The following STAB2 variants were observed in gnomAD, a reference collection of about 807,000 sequenced individuals.
The protein encoded by STAB2 is stabilin-2.
In STAB2, 288 loss-of-function variants were observed where a neutral mutation model predicts 338.1. That is an observed-to-expected ratio of 0.85 (90% confidence interval 0.77 to 0.94). STAB2 has a LOEUF of 0.94. Among genes scored for constraint, STAB2 ranks in the 40% least tolerant of loss-of-function variants. STAB2 has a pLI of 0.00. For synonymous variants in STAB2, 1,202 were observed against 1,193.3 expected (o/e 1.01, Z -0.15); for missense variants, 3,141 against 3,210.1 (o/e 0.98, Z 0.52).
At position 103,654,585 on chromosome 12, in the gene STAB2, G is replaced by A; in HGVS notation, c.1438G>A (p.Gly480Ser). 6.2e-7 allele frequency: 1 copy of A among 1,614,056 alleles called. No homozygotes were observed. The highest frequency in any genetic ancestry group is 8.5e-7 in the Non-Finnish European group (1 of 1,179,954). ...TCAAATAAAGCTTAAACTCCATGGA[G>A]GCAAAAAGAAGGTAAAAATTATACA... ...DNQIKLKLHGGKKKVKIIQGD... is the reference protein window; with the variant it reads ...DNQIKLKLHGSKKKVKIIQGD... Residue 480 changes from glycine (G) to serine (S), a missense_variant, in exon 13 of 69, where the codon GGC (glycine) becomes AGC (serine). Coordinates refer to ENST00000388887, the MANE Select transcript of STAB2 (RefSeq NM_017564.10).
intron 59 of STAB2, 110 bp from the exon 60 acceptor site, chr12:103,750,469 C>A: frequency 7.1e-7 from 1 of 1,406,740 alleles, no homozygotes; most frequent in Non-Finnish European, 9.8e-7. Context: ...GGCACGTTCT[C>A]TTGGTCCATC....
At chr12:103,629,335 T>C (rs1017336083) in intron 5 of STAB2, among the ~76,000 whole-genome samples, 1 of 152,212 alleles carries the variant, frequency 6.6e-6, no homozygotes, top group Non-Finnish European at 1.5e-5. Flanking sequence ...ACCATGAGAA[T>C]TACCCAGCAA....
rs771355124 is a variant in STAB2 at position 103,737,602 on chromosome 12, TTCTC to T, written c.5551-30_5551-27del. ...TCTCTCTCTCTCTCTCTCTCTCTCTTTCTCTTTTTTTTTTTTTTTTTTCTTTCTT... is the reference window on the plus strand; with the variant it reads ...TCTCTCTCTCTCTCTCTCTCTCTCTTTTTTTTTTTTTTTTTTTTCTTTCTT... On this transcript the variant is annotated intron_variant, in intron 52 of 68. Coordinates refer to ENST00000388887, the MANE Select transcript of STAB2 (RefSeq NM_017564.10). 8,151 of 980,784 alleles carry T rather than the reference TTCTC, an allele frequency of 8.3e-3. 233 individuals carry two copies. The highest frequency in any genetic ancestry group is 0.014 in the East Asian group (398 of 27,468). The allele number at this position is 980,784 out of a possible 1,614,324, so 60.8% of individuals were successfully genotyped here.
At chr12:103,698,329 T>A (rs1201346400) in intron 33 of STAB2, among the ~76,000 whole-genome samples, 1 of 152,148 alleles carries the variant, frequency 6.6e-6, no homozygotes, top group Non-Finnish European at 1.5e-5. Context: ...CCCTTTCTGA[T>A]CTCACTAAAT....
At chr12:103,743,399 A>T (rs1882748036) in intron 56 of STAB2, among the ~76,000 whole-genome samples, 1 of 152,186 alleles carries the variant, frequency 6.6e-6, no homozygotes. Context: ...AGGCTTACAG[A>T]CACAAATTTT....
At position 103,699,154 on chromosome 12, in the gene STAB2, T is replaced by C; in HGVS notation, c.3641T>C (p.Leu1214Pro). Residue 1214 changes from leucine (L) to proline (P), a missense_variant, in exon 34 of 69, where the codon CTG (leucine) becomes CCG (proline). Physicochemically the swap from Leu to Pro is moderately conservative, Grantham distance 98. Transcript: ENST00000388887. The stretch of plus-strand genomic sequence containing the variant: ...GAGGAGAAACTCCTGAAGAATGACC[T>C]GCACAATGGCATGCATCGTGAGACC... ...VLEEKLLKND[L>P]HNGMHRETML... 6.2e-7 allele frequency: 1 copy of C among 1,613,670 alleles called. No individual in the cohort carries two copies. Among genetic ancestry groups the C allele is most frequent in the Non-Finnish European group, 8.5e-7 (1 of 1,179,644 alleles).
intron 40 of STAB2, 114 bp from the exon 41 acceptor site, chr12:103,712,253 T>C (rs575781190): frequency 6.0e-5 from 49 of 818,146 alleles, no homozygotes; most frequent in East Asian, 5.9e-4. Flanking sequence ...GCAGGACTTA[T>C]GAGTGTCTCA....
Position 103,737,623 on chromosome 12 carries a change from T to TTATTAGGGTGACC in STAB2, c.5551-10_5551-9insATTAGGGTGACCT. On this transcript the variant is annotated splice_polypyrimidine_tract_variant and intron_variant, in intron 52 of 68. Transcript: ENST00000388887. The stretch of plus-strand genomic sequence containing the variant: ...CTCTTTCTCTTTTTTTTTTTTTTTT[T>TTATTAGGGTGACC]TCTTTCTTAGGGTGACCTCTTTCTG... The TTATTAGGGTGACC allele has an allele frequency of 6.8e-7, 1 of 1,460,526 alleles. No homozygotes were observed. 90.5% of individuals were successfully genotyped at this position (1,460,526 alleles called of 1,614,324 possible). A position where few individuals can be genotyped will look rare whatever the true frequency, so the allele number is the denominator to read the frequency against.
chr12:103,735,010 A>G (rs142680370), intron 51 of STAB2, among the ~76,000 whole-genome samples: 213 of 152,298 alleles, frequency 1.4e-3, no homozygotes, highest in Non-Finnish European at 2.6e-3. Context: ...AACTAGATTA[A>G]GAGTCCACTC....
intron 52 of STAB2, 60 bp from the exon 53 acceptor site, chr12:103,737,574 T>TTG: frequency 1.8e-5 from 18 of 1,015,868 alleles, no homozygotes; most frequent in Non-Finnish European, 2.0e-5. Context: ...GATTGACTGT[T>TTG]TCTCTCTCTC....
At chr12:103,597,963 A>G (rs1203178512) in intron 3 of STAB2, among the ~76,000 whole-genome samples, 1 of 152,122 alleles carries the variant, frequency 6.6e-6, no homozygotes, top group Admixed American at 6.5e-5. Context: ...ATCTAAATTT[A>G]TTTTTTATAT....
At chr12:103,611,300 C>T (rs1452662105) in intron 3 of STAB2, among the ~76,000 whole-genome samples, 3 of 152,044 alleles carry the variant, frequency 2.0e-5, no homozygotes, top group Admixed American at 6.6e-5. Context: ...TTAAAGTCTC[C>T]CATTATTATT....
intron 57 of STAB2, chr12:103,746,338 G>C (rs903686359): frequency 2.2e-5 from 7 of 315,524 alleles, no homozygotes; most frequent in Admixed American, 4.4e-5. Flanking sequence ...AGTTTTAATT[G>C]ATAGCCCCTA....
chr12:103,648,928 G>T, intron 10 of STAB2, 105 bp downstream of exon 10: 1 of 1,487,006 alleles, frequency 6.7e-7, no homozygotes, highest in Admixed American at 2.2e-5. Context: ...TTGTCTATTA[G>T]AATCAGCCTT....
intron 15 of STAB2, among the ~76,000 whole-genome samples, chr12:103,658,996 G>A (rs1874398580): frequency 6.6e-6 from 1 of 152,210 alleles, no homozygotes. Context: ...ATACCATGCA[G>A]TAACTGAGAC....
At position 103,737,776 on chromosome 12, in the gene STAB2, C is replaced by A. The variant is rs1882276393; in HGVS notation, c.5693C>A (p.Ala1898Asp). 8.7e-6 allele frequency: 14 copies of A among 1,613,736 alleles called. No individual in the cohort carries two copies. The East Asian group carries it at 2.7e-4, about 31-fold the overall frequency. Residue 1898 changes from alanine (A) to aspartate (D), a missense_variant, in exon 53 of 69, where the codon GCC (alanine) becomes GAC (aspartate). Transcript: ENST00000388887. ...GRCDTFTTFD[A>D]SGECGSCVNT... ...TGTGACACCTTTACTACTTTCGATG[C>A]CTCGGTCAGTCCTAAAAACAACAGT...
chr12:103,635,377 C>T (rs1338946951), intron 6 of STAB2, among the ~76,000 whole-genome samples: 1 of 152,198 alleles, frequency 6.6e-6, no homozygotes, highest in Admixed American at 6.5e-5. Flanking sequence ...AGCCGGGGCT[C>T]TCTCCCTGTT....
intron 58 of STAB2, among the ~76,000 whole-genome samples, chr12:103,746,918 G>C (rs551525134): frequency 6.6e-6 from 1 of 151,718 alleles, no homozygotes; most frequent in South Asian, 2.1e-4. Flanking sequence ...TTGCAAACTG[G>C]GATGCACTTT....
chr12:103,746,322 G>A (rs1883028836), intron 57 of STAB2: 5 of 277,714 alleles, frequency 1.8e-5, no homozygotes, highest in South Asian at 1.6e-4. Context: ...AAGTTTTGTG[G>A]TATAAAGTTT....
Sources: allele counts gnomAD v4.1 joint callset (sites outside exome capture counted in the v4.1 genomes callset), GRCh38; gene constraint gnomAD v4.1.1; transcripts MANE v1.5; gene names NCBI Gene and HGNC (gene_info 2026-07-23, HGNC 2026-07-21).